Variants in EGFLAM observed in about 807,000 individuals in gnomAD.
The protein encoded by EGFLAM is EGF like, fibronectin type III and laminin G domains.
Under a neutral mutation model 113.1 loss-of-function variants are expected in EGFLAM, and 79 were observed. That is an observed-to-expected ratio of 0.70 (90% CI 0.58 to 0.84). The LOEUF (loss-of-function observed/expected upper bound fraction) is 0.84, where lower values mean the gene tolerates loss of function less well. Ranked by LOEUF, EGFLAM falls within the 40% of genes least tolerant of loss-of-function variation. EGFLAM has a pLI of 0.00. For missense variants in EGFLAM, 1,265 were observed against 1,291.6 expected, an observed-to-expected ratio of 0.98 and a Z score of 0.32; for synonymous variants, 504 against 487.6, an observed-to-expected ratio of 1.03 and a Z score of -0.44.
At chr5:38,353,936 G>T (rs1739694940) in intron 5 of EGFLAM, among the ~76,000 whole-genome samples, 1 of 152,178 alleles carries the variant, frequency 6.6e-6, no homozygotes, top group African/African-American at 2.4e-5. Flanking sequence ...TGGCCAAGCT[G>T]AAGTCTCTTT....
intron 5 of EGFLAM, among the ~76,000 whole-genome samples, chr5:38,357,795 CT>C (rs1739801510): frequency 6.6e-6 from 1 of 151,364 alleles, no homozygotes; most frequent in Non-Finnish European, 1.5e-5. Flanking sequence ...ATCATTTACT[CT>C]TCTTATTTGC....
intron 12 of EGFLAM, among the ~76,000 whole-genome samples, chr5:38,419,052 TG>T (rs954415884): frequency 6.6e-6 from 1 of 152,176 alleles, no homozygotes; most frequent in Non-Finnish European, 1.5e-5. Flanking sequence ...CCTCTCTCCT[TG>T]GCTTGCAGAT....
intron 6 of EGFLAM, among the ~76,000 whole-genome samples, chr5:38,379,774 C>T (rs1740461874): frequency 6.8e-6 from 1 of 146,986 alleles, no homozygotes; most frequent in African/African-American, 2.5e-5. Flanking sequence ...GCTCTGATAA[C>T]AATAAAATTT....
intron 17 of EGFLAM, among the ~76,000 whole-genome samples, chr5:38,440,704 A>G (rs909324334): frequency 2.0e-5 from 3 of 152,160 alleles, no homozygotes; most frequent in African/African-American, 2.4e-5. Flanking sequence ...TTTCTGCCTC[A>G]TAATCAAACC....
chr5:38,462,810 G>A, intron 20 of EGFLAM, 98 bp from the exon 21 acceptor site: 1 of 1,333,418 alleles, frequency 7.5e-7, no homozygotes, highest in Non-Finnish European at 1.1e-6. Flanking sequence ...CTGGCACATA[G>A]TGTGTCCTTT....
chr5:38,304,931 A>G (rs1018810556), intron 1 of EGFLAM, among the ~76,000 whole-genome samples: 2 of 152,172 alleles, frequency 1.3e-5, no homozygotes, highest in African/African-American at 2.4e-5. Context: ...GGGCAAAAAG[A>G]GCCTTGGGAT....
chr5:38,374,304 G>A (rs1052010938), intron 6 of EGFLAM, among the ~76,000 whole-genome samples: 1 of 152,182 alleles, frequency 6.6e-6, no homozygotes, highest in African/African-American at 2.4e-5. Flanking sequence ...CTATGCAGGA[G>A]ATCAGATTTT....
At position 38,326,505 on chromosome 5, in the gene EGFLAM, G is replaced by GTT. The variant is rs201518910; in HGVS notation, c.98-11005_98-11004dup. Among the ~76,000 whole-genome samples the GTT allele has an allele frequency of 9.5e-5, 14 of 147,464 alleles. No homozygotes were observed. The Middle Eastern group carries it at 0.011, about 111-fold the overall frequency. On this transcript the variant is annotated intron_variant, in intron 1 of 21. Transcript: ENST00000322350. Reference sequence around the variant, plus strand: ...CGTTTTACTGTGTCTGTTGATAAGGGTTTTTTTTTTTAAGACGGAGTCTCA... The same window carrying GTT: ...CGTTTTACTGTGTCTGTTGATAAGGGTTTTTTTTTTTTTAAGACGGAGTCTCA...
At chr5:38,321,051 T>A (rs2111892732) in intron 1 of EGFLAM, among the ~76,000 whole-genome samples, 1 of 152,320 alleles carries the variant, frequency 6.6e-6, no homozygotes, top group East Asian at 1.9e-4. Flanking sequence ...TTATGTACTT[T>A]ATTTCTATTA....
chr5:38,399,233 C>A (rs1452559195), intron 6 of EGFLAM, among the ~76,000 whole-genome samples: 1 of 151,020 alleles, frequency 6.6e-6, no homozygotes. Context: ...CATTCCAAAT[C>A]GAATTCCTCC....
At chr5:38,454,317 G>C (rs994137422) in intron 19 of EGFLAM, among the ~76,000 whole-genome samples, 2 of 152,172 alleles carry the variant, frequency 1.3e-5, no homozygotes, top group African/African-American at 4.8e-5. Context: ...CTGAGAAACA[G>C]GGTCTGAAGT....
rs117590474 is a variant in EGFLAM, at chr5:38,267,147, T to G, written c.97+8296T>G. Among the ~76,000 whole-genome samples the G allele has an allele frequency of 1.7e-4, 26 of 152,350 alleles. No homozygotes were observed. In the East Asian group the frequency reaches 4.2e-3, roughly 25 times the overall value. On this transcript the variant is annotated intron_variant, in intron 1 of 21. Transcript: ENST00000322350. ...TCTCATTTCCAGTATCCCCCTTATC[T>G]AAAGACACTTGACAATTCTTTCTTG...
intron 6 of EGFLAM, among the ~76,000 whole-genome samples, chr5:38,385,135 A>T (rs1020015877): frequency 6.6e-6 from 1 of 152,240 alleles, no homozygotes; most frequent in South Asian, 2.1e-4. Context: ...ACTGACATTT[A>T]AAAAAACAAC....
In EGFLAM at chr5:38,302,937, A is replaced by G. The variant is rs554606578; in HGVS notation, c.98-34583A>G. The stretch of plus-strand genomic sequence containing the variant: ...TACTCCTGGCTATCCTCATGCCTTA[A>G]CAGCCCAGATTCAATAATGAGCTCA... On this transcript the variant is annotated intron_variant, in intron 1 of 21. Coordinates refer to ENST00000322350, the MANE Select transcript of EGFLAM (RefSeq NM_152403.4). 3.3e-5 allele frequency among the ~76,000 whole-genome samples: 5 copies of G among 152,300 alleles called. No homozygotes were observed. In the South Asian group the frequency reaches 1.0e-3, roughly 32 times the overall value.
intron 1 of EGFLAM, among the ~76,000 whole-genome samples, chr5:38,275,303 C>T (rs1757860460): frequency 6.6e-6 from 1 of 152,140 alleles, no homozygotes; most frequent in African/African-American, 2.4e-5. Flanking sequence ...CAAGACCCAT[C>T]TATGCACTGC....
intron 17 of EGFLAM, chr5:38,445,530 TC>T: frequency 6.4e-7 from 1 of 1,558,272 alleles, no homozygotes. Context: ...ATATTCACAT[TC>T]CCTAAGAGGA....
At chr5:38,339,833 A>G (rs1739290539) in intron 3 of EGFLAM, among the ~76,000 whole-genome samples, 1 of 152,206 alleles carries the variant, frequency 6.6e-6, no homozygotes, top group South Asian at 2.1e-4. Context: ...TTTGTATGAC[A>G]TGCTTTTAAG....
chr5:38,332,111 G>C (rs1015321977), intron 1 of EGFLAM, among the ~76,000 whole-genome samples: 1 of 152,068 alleles, frequency 6.6e-6, no homozygotes, highest in African/African-American at 2.4e-5. Context: ...TCTGGATTTT[G>C]GCCATTCTAA....
At chr5:38,395,950 CT>C (rs1287504457) in intron 6 of EGFLAM, among the ~76,000 whole-genome samples, 2 of 152,068 alleles carry the variant, frequency 1.3e-5, no homozygotes, top group Non-Finnish European at 2.9e-5. Flanking sequence ...AACGTGTGTT[CT>C]CTACTCATAG....
Sources: gnomAD v4.1 joint callset for allele counts (sites outside exome capture counted in the v4.1 genomes callset) on GRCh38, gnomAD v4.1.1 for gene constraint, MANE v1.5 for transcripts, NCBI Gene and HGNC (gene_info 2026-07-23, HGNC 2026-07-21) for gene names.